The following PKHD1 variants were observed in gnomAD, a reference collection of about 807,000 sequenced individuals.
PKHD1 encodes PKHD1 ciliary IPT domain containing fibrocystin/polyductin, also known as fibrocystin.
In PKHD1, 291 loss-of-function variants were observed where a neutral mutation model predicts 412.0. The observed-to-expected ratio is 0.71, with a 90% CI of 0.64 to 0.78. PKHD1 has a LOEUF of 0.78. Ranked by LOEUF, PKHD1 falls within the 30% of genes least tolerant of loss-of-function variation. The probability of loss-of-function intolerance (pLI) is 0.00; values close to 1 mark genes in which losing one functional copy is unlikely to be tolerated. For missense variants in PKHD1, 4,825 were observed against 4,950.7 expected (o/e 0.97, Z 0.76); for synonymous variants, 1,777 against 1,821.5 (o/e 0.98, Z 0.62).
intron 23 of PKHD1, among the ~76,000 whole-genome samples, chr6:52,047,559 C>T (rs1328668690): frequency 6.6e-6 from 1 of 152,182 alleles, no homozygotes; most frequent in Non-Finnish European, 1.5e-5. Context: ...TGAAGATTTA[C>T]AAACACTACT....
At chr6:52,058,227 C>A in intron 16 of PKHD1, 96 bp downstream of exon 16, 1 of 1,137,016 alleles carries the variant, frequency 8.8e-7, no homozygotes, top group Middle Eastern at 2.8e-4. Flanking sequence ...GTTATAATGA[C>A]CCCTCAGGTC....
chr6:51,637,658 C>A (rs937929349), intron 64 of PKHD1, among the ~76,000 whole-genome samples: 1 of 151,406 alleles, frequency 6.6e-6, no homozygotes. Flanking sequence ...GTAATCCCAG[C>A]ACTTAGGGAG....
At chr6:51,760,753 T>C (rs182584133) in intron 55 of PKHD1, among the ~76,000 whole-genome samples, 1 of 152,058 alleles carries the variant, frequency 6.6e-6, no homozygotes, top group African/African-American at 2.4e-5. Flanking sequence ...GATAAAGGAA[T>C]AGATATAATC....
At chr6:52,057,225 G>A (rs929289900) in intron 16 of PKHD1, among the ~76,000 whole-genome samples, 2 of 152,198 alleles carry the variant, frequency 1.3e-5, no homozygotes, top group African/African-American at 4.8e-5. Context: ...AGTATGAGAT[G>A]TAACAGTTGC....
At position 52,048,552 on chromosome 6, in the gene PKHD1, G is replaced by A. The variant is rs749170990; in HGVS notation, c.2347C>T (p.Arg783Trp). Reference protein sequence around the residue: ...LVLVTTQRRQRTSPPLGGHFR... With the variant: ...LVLVTTQRRQWTSPPLGGHFR... ...TGTCCTCCTAGAGGTGGACTTGTCC[G>A]CTGTCGTCTCTGTGTCGTCACCAGG... Residue 783 changes from arginine to tryptophan, a missense_variant, in exon 23 of 67, where the codon CGG becomes TGG. By Grantham distance (101) the Arg-to-Trp change is moderately radical. Coordinates refer to ENST00000371117, the MANE Select transcript of PKHD1 (RefSeq NM_138694.4). The A allele has an allele frequency of 4.0e-5, 64 of 1,613,804 alleles. No individual in the cohort carries two copies. In the East Asian group the frequency reaches 6.0e-4, roughly 15 times the overall value.
chr6:51,640,136 A>G (rs1769148921), intron 63 of PKHD1, among the ~76,000 whole-genome samples: 1 of 152,230 alleles, frequency 6.6e-6, no homozygotes, highest in Non-Finnish European at 1.5e-5. Flanking sequence ...AACTCTTGCA[A>G]ACAATGAACT....
At chr6:51,731,820 G>T (rs998016705) in intron 60 of PKHD1, among the ~76,000 whole-genome samples, 5 of 152,030 alleles carry the variant, frequency 3.3e-5, no homozygotes, top group Non-Finnish European at 7.4e-5. Flanking sequence ...TGCACCCAAG[G>T]AGCTAAGCTT....
At chr6:51,737,978 CA>C (rs745334298) in intron 60 of PKHD1, among the ~76,000 whole-genome samples, 4 of 152,102 alleles carry the variant, frequency 2.6e-5, no homozygotes, top group Non-Finnish European at 4.4e-5. Context: ...AATAATCAGA[CA>C]AATTAGATAT....
At chr6:51,711,427 T>C (rs928512130) in intron 60 of PKHD1, among the ~76,000 whole-genome samples, 12 of 152,224 alleles carry the variant, frequency 7.9e-5, no homozygotes, top group Admixed American at 5.2e-4. Context: ...GAAATCATCT[T>C]GTCTCTATCC....
intron 16 of PKHD1, among the ~76,000 whole-genome samples, chr6:52,057,482 T>C (rs1198671986): frequency 6.6e-6 from 1 of 152,188 alleles, no homozygotes; most frequent in Admixed American, 6.5e-5. Context: ...TGTGGCGTGA[T>C]GCCGGCTCAC....
At chr6:51,721,266 G>A in intron 60 of PKHD1, 5 of 946,728 alleles carry the variant, frequency 5.3e-6, no homozygotes, top group Non-Finnish European at 6.3e-6. Flanking sequence ...AATATTCTTG[G>A]TAATAAACTT....
intron 61 of PKHD1, among the ~76,000 whole-genome samples, chr6:51,651,992 TAGCAACTTATTGCA>T (rs754110976): frequency 6.6e-6 from 1 of 152,156 alleles, no homozygotes; most frequent in Non-Finnish European, 1.5e-5. Flanking sequence ...GCAAAGGGAT[TAGCAACTTATTGCA>T]AGCAACCTGG....
intron 35 of PKHD1, among the ~76,000 whole-genome samples, chr6:51,967,658 G>A (rs1011119227): frequency 1.3e-5 from 2 of 149,160 alleles, no homozygotes; most frequent in African/African-American, 5.0e-5. Context: ...GTGTGTATGT[G>A]TGTGTGTGTG....
intron 48 of PKHD1, among the ~76,000 whole-genome samples, chr6:51,858,383 T>C (rs542418450): frequency 3.1e-4 from 47 of 152,298 alleles, no homozygotes; most frequent in Non-Finnish European, 6.3e-4. Context: ...GGCCCAACTA[T>C]ATTTAGCAAA....
At chr6:51,686,394 C>A (rs1029769603) in intron 60 of PKHD1, among the ~76,000 whole-genome samples, 3 of 152,186 alleles carry the variant, frequency 2.0e-5, no homozygotes, top group African/African-American at 7.2e-5. Context: ...TCCTCACACA[C>A]TGCAGGCACT....
chr6:52,041,128 T>A (rs1351674106), intron 27 of PKHD1, among the ~76,000 whole-genome samples: 2 of 152,174 alleles, frequency 1.3e-5, no homozygotes, highest in African/African-American at 2.4e-5. Context: ...AAGATTTTCC[T>A]CAAAAAAATC....
At chr6:51,873,380 G>A (rs920121508) in intron 46 of PKHD1, among the ~76,000 whole-genome samples, 2 of 152,164 alleles carry the variant, frequency 1.3e-5, no homozygotes, top group Non-Finnish European at 2.9e-5. Flanking sequence ...CGTGCGGAGT[G>A]GGGTTGAATG....
chr6:51,629,239 C>T (rs904813420), intron 65 of PKHD1, among the ~76,000 whole-genome samples: 1 of 152,090 alleles, frequency 6.6e-6, no homozygotes, highest in Admixed American at 6.6e-5. Flanking sequence ...TAAAGAGCTT[C>T]TTCACAGCAA....
Position 51,616,703 on chromosome 6 carries a change from G to A in PKHD1, c.*2378C>T, listed in dbSNP as rs988214678. The A allele has an allele frequency of 5.0e-6, 2 of 398,310 alleles. No individual in the cohort carries two copies. The highest frequency in any genetic ancestry group is 8.9e-6 in the Non-Finnish European group (2 of 225,968). 24.7% of individuals were successfully genotyped at this position (398,310 alleles called of 1,614,324 possible). On this transcript the variant is annotated 3_prime_UTR_variant, in exon 67 of 67. Transcript: ENST00000371117. Reference sequence around the variant, plus strand: ...CCTCAGGGATCACAGGCTTTTCTGGGATGGAATTAGTAAGATAATTATGGT... The same window carrying A: ...CCTCAGGGATCACAGGCTTTTCTGGAATGGAATTAGTAAGATAATTATGGT...
Sources: gnomAD v4.1 joint callset for allele counts (sites outside exome capture counted in the v4.1 genomes callset) on GRCh38, gnomAD v4.1.1 for gene constraint, MANE v1.5 for transcripts, NCBI Gene and HGNC (gene_info 2026-07-23, HGNC 2026-07-21) for gene names.